The following GALNT13 variants were observed in gnomAD, a reference collection of about 807,000 sequenced individuals.
The protein encoded by GALNT13 is polypeptide N-acetylgalactosaminyltransferase 13.
A neutral mutation model predicts 64.2 loss-of-function variants in GALNT13; 28 were observed. The observed-to-expected ratio is 0.44, with a 90% CI of 0.32 to 0.60. The LOEUF (loss-of-function observed/expected upper bound fraction) is 0.60. GALNT13 is among the 20% of genes least tolerant of loss of function. The pLI, the probability that GALNT13 is intolerant of heterozygous loss-of-function variation, is 0.05. For synonymous variants in GALNT13, 214 were observed against 224.6 expected (o/e 0.95, Z 0.42); for missense variants, 577 against 669.8 (o/e 0.86, Z 1.53).
intron 3 of GALNT13, among the ~76,000 whole-genome samples, chr2:154,063,085 A>G (rs1159680792): frequency 1.3e-5 from 2 of 151,614 alleles, no homozygotes; most frequent in Admixed American, 6.6e-5. Flanking sequence ...TGGGGAGAGG[A>G]AAGAGTTGAT....
chr2:153,537,378 C>T, the GALNT13 span, among the ~76,000 whole-genome samples: 2 of 152,124 alleles, frequency 1.3e-5, no homozygotes, highest in Non-Finnish European at 2.9e-5. Flanking sequence ...TTGTAGCTGT[C>T]AGAAAGGGCA....
At chr2:154,227,408 C>T (rs1264669397) in intron 4 of GALNT13, among the ~76,000 whole-genome samples, 1 of 151,176 alleles carries the variant, frequency 6.6e-6, no homozygotes, top group East Asian at 1.9e-4. Flanking sequence ...TATACATGTG[C>T]CATGTTGGTG....
chr2:153,860,722 T>A, the GALNT13 span, among the ~76,000 whole-genome samples: 1 of 152,128 alleles, frequency 6.6e-6, no homozygotes, highest in African/African-American at 2.4e-5. Flanking sequence ...TCTCACTAAG[T>A]GGGAGGCACT....
chr2:153,449,779 G>T, the GALNT13 span: 3 of 152,536 alleles, frequency 2.0e-5, no homozygotes, highest in Non-Finnish European at 4.4e-5. Flanking sequence ...CTCCAGAGGG[G>T]AGAAACAGTG....
the GALNT13 span, among the ~76,000 whole-genome samples, chr2:153,365,492 C>T: frequency 4.3e-3 from 648 of 152,186 alleles, 2 homozygotes; most frequent in African/African-American, 0.015. Context: ...GCAATCTACC[C>T]ATCTGACAAA....
the GALNT13 span, among the ~76,000 whole-genome samples, chr2:153,133,367 A>G: frequency 6.6e-6 from 1 of 152,162 alleles, no homozygotes; most frequent in Non-Finnish European, 1.5e-5. Flanking sequence ...GGCTTCAGGA[A>G]GTTCACACCC....
chr2:153,416,133 T>A, the GALNT13 span, among the ~76,000 whole-genome samples: 1 of 152,214 alleles, frequency 6.6e-6, no homozygotes, highest in African/African-American at 2.4e-5. Flanking sequence ...TGATTCATAA[T>A]CATTTATTTT....
At chr2:153,685,464 T>C in the GALNT13 span, among the ~76,000 whole-genome samples, 2 of 152,074 alleles carry the variant, frequency 1.3e-5, no homozygotes, top group Admixed American at 6.6e-5. Flanking sequence ...GTAAGTCTTC[T>C]TTTGAAAAGT....
At chr2:153,336,330 A>G in the GALNT13 span, among the ~76,000 whole-genome samples, 9 of 152,108 alleles carry the variant, frequency 5.9e-5, 1 homozygote, top group Admixed American at 3.3e-4. Context: ...CAGATGCTCA[A>G]TGTTAGCCCA....
the GALNT13 span, among the ~76,000 whole-genome samples, chr2:153,225,842 G>T: frequency 2.0e-5 from 3 of 152,142 alleles, no homozygotes; most frequent in Admixed American, 2.0e-4. Flanking sequence ...GAATGGTATT[G>T]CATGTTCACA....
chr2:153,815,230 T>C, the GALNT13 span, among the ~76,000 whole-genome samples: 4 of 152,208 alleles, frequency 2.6e-5, no homozygotes, highest in South Asian at 8.3e-4. Context: ...TATATTCTAG[T>C]TCTGGACACT....
the GALNT13 span, among the ~76,000 whole-genome samples, chr2:153,205,040 G>A: frequency 7.9e-5 from 12 of 152,134 alleles, no homozygotes; most frequent in Non-Finnish European, 1.3e-4. Flanking sequence ...CAGATTTTTT[G>A]TGATGGTAAA....
the GALNT13 span, among the ~76,000 whole-genome samples, chr2:153,356,789 C>CTTTTTTTTTTTTT: frequency 3.8e-5 from 4 of 104,904 alleles, 2 homozygotes; most frequent in Non-Finnish European, 3.7e-5. Flanking sequence ...TCTTCTTCCT[C>CTTTTTTTTTTTTT]TTTTTTTTTT....
chr2:153,370,782 G>A, the GALNT13 span: 3 of 152,698 alleles, frequency 2.0e-5, no homozygotes, highest in Admixed American at 2.0e-4. Context: ...AAATATTTTT[G>A]GAAGTGTGTC....
At chr2:154,409,475 G>T (rs987454753) in intron 11 of GALNT13, 2 of 218,972 alleles carry the variant, frequency 9.1e-6, no homozygotes, top group African/African-American at 2.4e-5. Flanking sequence ...TGTATGTTAT[G>T]ATTTTTAAGA....
intron 3 of GALNT13, among the ~76,000 whole-genome samples, chr2:153,957,777 A>C (rs777498550): frequency 6.6e-6 from 1 of 151,822 alleles, no homozygotes; most frequent in Non-Finnish European, 1.5e-5. Flanking sequence ...TTTTTTTCCT[A>C]TTGCCCTGAG....
At chr2:153,562,056 CTCTCTG>C in the GALNT13 span, among the ~76,000 whole-genome samples, 6 of 92,894 alleles carry the variant, frequency 6.5e-5, no homozygotes, top group African/African-American at 2.7e-4. Context: ...CTCTCTCTCT[CTCTCTG>C]TGTGTGTGTG....
chr2:153,281,853 C>T, the GALNT13 span, among the ~76,000 whole-genome samples: 3 of 150,214 alleles, frequency 2.0e-5, no homozygotes, highest in South Asian at 2.1e-4. Flanking sequence ...TGACTTTGGA[C>T]AGTCTGGTGA....
chr2:153,596,161 G>A, the GALNT13 span, among the ~76,000 whole-genome samples: 2,775 of 152,298 alleles, frequency 0.018, 86 homozygotes, highest in African/African-American at 0.064. Flanking sequence ...GATTTCATAG[G>A]CTTCTCACAG....
Sources: allele counts gnomAD v4.1 joint callset (sites outside exome capture counted in the v4.1 genomes callset), GRCh38; gene constraint gnomAD v4.1.1; transcripts MANE v1.5; gene names NCBI Gene and HGNC (gene_info 2026-07-23, HGNC 2026-07-21).